Variants in NYX observed in about 807,000 individuals in gnomAD.
NYX encodes the protein leucine-rich repeat protein.
For synonymous variants in NYX, 258 were observed against 245.7 expected, an observed-to-expected ratio of 1.05 and a Z score of -0.47; for missense variants, 481 against 485.4, an observed-to-expected ratio of 0.99 and a Z score of 0.09.
intron 2 of NYX, among the ~76,000 whole-genome samples, chrX:41,466,624 A>G (rs1181905505): frequency 9.5e-6 from 1 of 105,111 alleles, no homozygotes; most frequent in African/African-American, 3.5e-5. Flanking sequence ...TAATGGCGTG[A>G]ACCTGGCTCA....
chrX:41,474,463 C>T lies in NYX; in HGVS notation c.995C>T (p.Pro332Leu). The T allele has an allele frequency of 1.7e-6, 2 of 1,209,023 alleles. No homozygotes were observed. Among genetic ancestry groups the T allele is most frequent in the Non-Finnish European group, 1.1e-6 (1 of 895,376 alleles). Reference protein sequence around the residue: ...FLGRLFLFRNPWCCDCRLEWL... With the variant: ...FLGRLFLFRNLWCCDCRLEWL... ...GGCCGCCTCTTCCTCTTCCGCAACCCGTGGTGCTGCGACTGCCGTCTGGAG... is the reference window on the plus strand; with the variant it reads ...GGCCGCCTCTTCCTCTTCCGCAACCTGTGGTGCTGCGACTGCCGTCTGGAG... The change falls in exon 3 of 3, where the codon CCG becomes CTG. Residue 332 changes from proline (P) to leucine (L), a missense_variant. Transcript: ENST00000378220.
At chrX:41,458,960 G>A (rs1277255326) in intron 2 of NYX, among the ~76,000 whole-genome samples, 1 of 109,268 alleles carries the variant, frequency 9.2e-6, no homozygotes, top group Non-Finnish European at 1.9e-5. Flanking sequence ...GCAGGTGCCT[G>A]TAGTCCCAGC....
intron 2 of NYX, among the ~76,000 whole-genome samples, 154 bp from the exon 3 acceptor site, chrX:41,473,337 G>A (rs1432536468): frequency 9.0e-6 from 1 of 111,479 alleles, no homozygotes; most frequent in African/African-American, 3.2e-5. Context: ...GAGGTGGGAA[G>A]AGGCCATGTG....
intron 2 of NYX, among the ~76,000 whole-genome samples, chrX:41,461,038 T>C (rs1396795586): frequency 1.9e-5 from 2 of 107,061 alleles, no homozygotes; most frequent in African/African-American, 6.8e-5. Flanking sequence ...AAAATTTCCA[T>C]AGGTTTTTGG....
intron 2 of NYX, among the ~76,000 whole-genome samples, chrX:41,463,446 G>C (rs1359911914): frequency 9.4e-6 from 1 of 106,796 alleles, no homozygotes; most frequent in African/African-American, 3.4e-5. Context: ...TTCTGAGACG[G>C]AGTTTTGCTC....
chrX:41,461,949 G>A (rs989015298), intron 2 of NYX, among the ~76,000 whole-genome samples: 28 of 110,416 alleles, frequency 2.5e-4, no homozygotes, highest in African/African-American at 7.2e-4. Flanking sequence ...TTACAGGCAC[G>A]GGCCACCACG....
intron 2 of NYX, among the ~76,000 whole-genome samples, chrX:41,453,611 A>AT (rs1323252391): frequency 1.8e-5 from 2 of 110,086 alleles, no homozygotes; most frequent in Admixed American, 2.0e-4. Flanking sequence ...ATGCACCACC[A>AT]TGCCCAGCTA....
intron 2 of NYX, among the ~76,000 whole-genome samples, chrX:41,448,597 G>A (rs1484685915): frequency 1.2e-5 from 1 of 84,795 alleles, no homozygotes; most frequent in Non-Finnish European, 2.2e-5. Flanking sequence ...TCTCACTCTC[G>A]CCCAAGCTGG....
In NYX at chrX:41,474,041, G is replaced by C. The variant is rs971336293; in HGVS notation, c.573G>C (p.Ala191=). ...ACCTGGAGCGCGGCCGCATCGAGGC[G>C]GTGGCCTCCAGCTCGCTGCAGGGCC... ...HAHLERGRIE[A]VASSSLQGLR... The change falls in exon 3 of 3, where the codon GCG becomes GCC. Residue 191 remains alanine, a synonymous_variant. Transcript: ENST00000378220. 1 of 1,056,333 alleles carries C rather than the reference G, an allele frequency of 9.5e-7. No individual in the cohort carries two copies. The highest frequency in any genetic ancestry group is 3.0e-4 in the Middle Eastern group (1 of 3,291). 87.1% of individuals were successfully genotyped at this position (1,056,333 alleles called of 1,213,427 possible). A position where few individuals can be genotyped will look rare whatever the true frequency, so the allele number is the denominator to read the frequency against.
At chrX:41,454,678 C>T (rs2064293193) in intron 2 of NYX, among the ~76,000 whole-genome samples, 1 of 110,362 alleles carries the variant, frequency 9.1e-6, no homozygotes, top group South Asian at 3.9e-4. Context: ...ACAGGCACAG[C>T]TCACTGTAGC....
chrX:41,473,919 G>A lies in NYX; in HGVS notation c.451G>A (p.Ala151Thr), dbSNP rs763908216. Reference protein sequence around the residue: ...RLFSVPERLLAELPALRELAA... With the variant: ...RLFSVPERLLTELPALRELAA... ...CTTCAGCGTGCCCGAGCGCCTCCTGGCCGAACTGCCGGCCCTGCGCGAACT... is the reference window on the plus strand; with the variant it reads ...CTTCAGCGTGCCCGAGCGCCTCCTGACCGAACTGCCGGCCCTGCGCGAACT... The change falls in exon 3 of 3, where the codon GCC (alanine) becomes ACC (threonine). Residue 151 changes from alanine (A) to threonine (T), a missense_variant. Physicochemically the swap from Ala to Thr is moderately conservative, Grantham distance 58. Coordinates refer to ENST00000378220, the MANE Select transcript of NYX (RefSeq NM_001378477.3). The A allele has an allele frequency of 3.2e-5, 36 of 1,120,278 alleles. No individual in the cohort carries two copies. Among genetic ancestry groups the A allele is most frequent in the Non-Finnish European group, 4.0e-5 (34 of 856,483 alleles). The allele number at this position is 1,120,278 out of a possible 1,213,427, so 92.3% of individuals were successfully genotyped here.
intron 2 of NYX, among the ~76,000 whole-genome samples, chrX:41,465,161 C>A (rs1046475892): frequency 9.3e-6 from 1 of 107,247 alleles, no homozygotes; most frequent in Non-Finnish European, 1.9e-5. Context: ...GTAATTCCAA[C>A]ATGTGGGCTG....
At chrX:41,469,398 G>A (rs745952262) in intron 2 of NYX, among the ~76,000 whole-genome samples, 3 of 110,672 alleles carry the variant, frequency 2.7e-5, no homozygotes, top group South Asian at 3.8e-4. Flanking sequence ...TCTGGGTACC[G>A]TTTGCTCTCC....
chrX:41,452,175 G>A (rs2064282719), intron 2 of NYX, among the ~76,000 whole-genome samples: 1 of 110,706 alleles, frequency 9.0e-6, no homozygotes, highest in African/African-American at 3.3e-5. Flanking sequence ...GTTTCGCCAT[G>A]TTGCCCTGGC....
chrX:41,459,285 G>A lies in NYX; in HGVS notation c.22+11359G>A, dbSNP rs186946517. Among the ~76,000 whole-genome samples, 124 of 110,795 alleles carry A rather than the reference G, an allele frequency of 1.1e-3. 1 individual carries two copies. The East Asian group carries it at 0.029, about 26-fold the overall frequency. On this transcript the variant is annotated intron_variant, in intron 2 of 2. Coordinates refer to ENST00000378220, the MANE Select transcript of NYX (RefSeq NM_001378477.3). ...AGGTCTTGTTCTGTTGAGCTGCCCC[G>A]AGCCACTCCCAGCAGCTCTGTTCTA...
In NYX at chrX:41,474,442, G is replaced by A; in HGVS notation, c.974G>A (p.Arg325His). 1 of 1,208,481 alleles carries A rather than the reference G, an allele frequency of 8.3e-7. No individual in the cohort carries two copies. Among genetic ancestry groups the A allele is most frequent in the Non-Finnish European group, 1.1e-6 (1 of 895,389 alleles). Reference sequence around the variant, plus strand: ...TTCCAGCCCGGCTTCTTCCTGGGCCGCCTCTTCCTCTTCCGCAACCCGTGG... The same window carrying A: ...TTCCAGCCCGGCTTCTTCCTGGGCCACCTCTTCCTCTTCCGCAACCCGTGG... ...VAFQPGFFLG[R>H]LFLFRNPWCC... is the part of the protein sequence containing the mutation. Residue 325 changes from arginine to histidine, a missense_variant, in exon 3 of 3, where the codon CGC becomes CAC. Physicochemically the swap from Arg to His is conservative, Grantham distance 29 (BLOSUM62 0). Coordinates refer to ENST00000378220, the MANE Select transcript of NYX (RefSeq NM_001378477.3).
chrX:41,459,992 C>T (rs1306767247), intron 2 of NYX, among the ~76,000 whole-genome samples: 1 of 109,085 alleles, frequency 9.2e-6, no homozygotes, highest in Non-Finnish European at 1.9e-5. Context: ...CTATTTTACA[C>T]TCCCATTGAC....
At position 41,472,485 on chromosome X, in the gene NYX, G is replaced by A; in HGVS notation, c.23-1006G>A. On this transcript the variant is annotated intron_variant, in intron 2 of 2. Coordinates refer to ENST00000378220, the MANE Select transcript of NYX (RefSeq NM_001378477.3). ...CGATCCCGAAGGGCGGCTCGGGCCC[G>A]CTGCTTCTGGGATTCCAAGGATTCT... is the stretch of plus-strand genomic sequence containing the variant. 6 of 712,489 alleles carry A rather than the reference G, an allele frequency of 8.4e-6. No homozygotes were observed. In the South Asian group the frequency reaches 9.3e-5, roughly 11 times the overall value. The allele number at this position is 712,489 out of a possible 1,213,427, so 58.7% of individuals were successfully genotyped here.
chrX:41,453,132 C>T (rs1445271619), intron 2 of NYX, among the ~76,000 whole-genome samples: 1 of 112,586 alleles, frequency 8.9e-6, no homozygotes, highest in Non-Finnish European at 1.9e-5. Context: ...CAATCTCAGT[C>T]TGTGGTTGGA....
Sources: gnomAD v4.1 joint callset for allele counts (sites outside exome capture counted in the v4.1 genomes callset) on GRCh38, gnomAD v4.1.1 for gene constraint, MANE v1.5 for transcripts, NCBI Gene and HGNC (gene_info 2026-07-23, HGNC 2026-07-21) for gene names.